The following CNTNAP2 variants were observed in gnomAD, a reference collection of about 807,000 sequenced individuals.
CNTNAP2 encodes the protein contactin-associated protein-like 2.
CNTNAP2 carries 98 observed loss-of-function variants against 155.2 expected under a neutral mutation model. The ratio of observed to expected loss-of-function variants is 0.63; its 90% confidence interval spans 0.54 to 0.75. CNTNAP2 has a LOEUF of 0.75. CNTNAP2 is among the 30% of genes least tolerant of loss of function. CNTNAP2 has a pLI of 0.00. For synonymous variants in CNTNAP2, 651 were observed against 631.2 expected (o/e 1.03, Z -0.47); for missense variants, 1,727 against 1,688.1 (o/e 1.02, Z -0.40).
chr7:148,286,821 G>C (rs1797092410), intron 21 of CNTNAP2, among the ~76,000 whole-genome samples: 2 of 152,110 alleles, frequency 1.3e-5, no homozygotes, highest in South Asian at 2.1e-4. Flanking sequence ...CAGAAAAATG[G>C]AGCAAAAAGT....
intron 1 of CNTNAP2, among the ~76,000 whole-genome samples, chr7:146,184,419 A>G (rs1293123198): frequency 6.6e-6 from 1 of 152,220 alleles, no homozygotes; most frequent in Admixed American, 6.5e-5. Flanking sequence ...GTGTAATCCT[A>G]AACACTGAAG....
At chr7:148,028,888 A>G (rs1802418936) in intron 15 of CNTNAP2, among the ~76,000 whole-genome samples, 1 of 152,180 alleles carries the variant, frequency 6.6e-6, no homozygotes, top group Non-Finnish European at 1.5e-5. Flanking sequence ...CTATTCCTGG[A>G]ACACAAGTCT....
intron 1 of CNTNAP2, among the ~76,000 whole-genome samples, chr7:146,413,005 T>C (rs569796772): frequency 2.6e-5 from 4 of 152,194 alleles, no homozygotes; most frequent in Non-Finnish European, 5.9e-5. Context: ...GACCACAAAA[T>C]GTGGCTGATT....
intron 1 of CNTNAP2, among the ~76,000 whole-genome samples, chr7:146,598,079 G>C (rs1316103326): frequency 1.3e-5 from 2 of 152,058 alleles, no homozygotes; most frequent in Non-Finnish European, 2.9e-5. Context: ...TGCCTACTCT[G>C]TTTAATCATG....
rs531452706 is a variant in CNTNAP2, at chr7:146,407,202, A to T, written c.97+290229A>T. On this transcript the variant is annotated intron_variant, in intron 1 of 23. Coordinates refer to ENST00000361727, the MANE Select transcript of CNTNAP2 (RefSeq NM_014141.6). The stretch of plus-strand genomic sequence containing the variant: ...TCAGGACAACATGAATAACTTTATT[A>T]TTTCCAGGAATACCAAAATAATTGG... Among the ~76,000 whole-genome samples the T allele has an allele frequency of 8.7e-4, 133 of 152,290 alleles. 1 individual carries two copies. Among genetic ancestry groups the T allele is most frequent in the South Asian group, 1.7e-3 (8 of 4,824 alleles).
At chr7:147,194,942 A>G (rs545319044) in intron 8 of CNTNAP2, among the ~76,000 whole-genome samples, 12 of 152,174 alleles carry the variant, frequency 7.9e-5, no homozygotes, top group Middle Eastern at 3.4e-3. Flanking sequence ...CCATTTGTCA[A>G]TTTTGGCTTT....
Position 148,217,475 on chromosome 7 carries a change from C to T in CNTNAP2, c.3198C>T (p.Tyr1066=), listed in dbSNP as rs772842467. 1.3e-5 allele frequency: 21 copies of T among 1,614,098 alleles called. No individual in the cohort carries two copies. The highest frequency in any genetic ancestry group is 5.3e-5 in the African/African-American group (4 of 74,944). Residue 1066 remains tyrosine, a synonymous_variant, in exon 19 of 24, where the codon TAC becomes TAT. Transcript: ENST00000361727. ...STTKAPCILL[Y]ISSFTTDFLA... The stretch of plus-strand genomic sequence containing the variant: ...CCAAGGCGCCCTGCATTCTCCTCTA[C>T]ATCAGCTCCTTCACCACAGACTTCT...
chr7:146,756,536 T>A (rs1801998715), intron 1 of CNTNAP2, among the ~76,000 whole-genome samples: 1 of 152,046 alleles, frequency 6.6e-6, no homozygotes, highest in African/African-American at 2.4e-5. Context: ...AAAAGATGTT[T>A]ATTATCTGCG....
chr7:147,488,234 T>C (rs926186044), intron 11 of CNTNAP2, among the ~76,000 whole-genome samples: 1 of 152,182 alleles, frequency 6.6e-6, no homozygotes, highest in African/African-American at 2.4e-5. Context: ...TTTTACATTT[T>C]TGCGAAATCA....
At chr7:146,581,004 A>G (rs912419961) in intron 1 of CNTNAP2, among the ~76,000 whole-genome samples, 4 of 152,166 alleles carry the variant, frequency 2.6e-5, no homozygotes, top group African/African-American at 9.6e-5. Context: ...CACTTGTCAA[A>G]TATTACATAA....
intron 10 of CNTNAP2, among the ~76,000 whole-genome samples, chr7:147,460,634 G>A (rs1180067962): frequency 1.4e-5 from 2 of 142,352 alleles, no homozygotes; most frequent in African/African-American, 5.6e-5. Flanking sequence ...CATCAGAGGA[G>A]AGTTTATGTT....
intron 14 of CNTNAP2, among the ~76,000 whole-genome samples, chr7:147,945,430 A>G (rs1450030215): frequency 1.3e-5 from 2 of 152,164 alleles, no homozygotes; most frequent in Non-Finnish European, 2.9e-5. Flanking sequence ...GTATATTCGT[A>G]TCTGAATTAT....
intron 10 of CNTNAP2, among the ~76,000 whole-genome samples, chr7:147,436,946 G>A (rs1318103606): frequency 6.6e-6 from 1 of 152,068 alleles, no homozygotes; most frequent in East Asian, 1.9e-4. Flanking sequence ...CATCTCAATC[G>A]GGCAAAGAAA....
At chr7:146,345,231 A>G (rs1249281724) in intron 1 of CNTNAP2, among the ~76,000 whole-genome samples, 1 of 152,168 alleles carries the variant, frequency 6.6e-6, no homozygotes, top group African/African-American at 2.4e-5. Context: ...TTTTATGTGT[A>G]TGCATAATTT....
chr7:146,464,187 G>GTTTTTTTTTTTTT (rs369508603), intron 1 of CNTNAP2, among the ~76,000 whole-genome samples: 18 of 91,540 alleles, frequency 2.0e-4, no homozygotes, highest in African/African-American at 5.9e-4. Context: ...CTTTGAAACT[G>GTTTTTTTTTTTTT]TTTTTTTTTT....
chr7:148,176,173 C>T (rs1794930480), intron 18 of CNTNAP2, among the ~76,000 whole-genome samples: 1 of 151,360 alleles, frequency 6.6e-6, no homozygotes, highest in African/African-American at 2.4e-5. Flanking sequence ...CTTCCTCTAA[C>T]CTCTTATCCA....
chr7:147,357,666 T>C (rs1272982060), intron 9 of CNTNAP2, among the ~76,000 whole-genome samples: 2 of 152,150 alleles, frequency 1.3e-5, no homozygotes, highest in Admixed American at 1.3e-4. Context: ...GACACGAGTC[T>C]TGTTTTATAG....
chr7:146,363,096 T>C (rs1378213906), intron 1 of CNTNAP2, among the ~76,000 whole-genome samples: 1 of 151,898 alleles, frequency 6.6e-6, no homozygotes, highest in Non-Finnish European at 1.5e-5. Flanking sequence ...TACCAGAGAG[T>C]AGCAATGGTA....
intron 1 of CNTNAP2, among the ~76,000 whole-genome samples, chr7:146,710,353 C>G (rs1371377855): frequency 1.3e-5 from 2 of 152,140 alleles, no homozygotes; most frequent in Non-Finnish European, 1.5e-5. Flanking sequence ...GAGACACACA[C>G]AGAAAAGTAT....
Sources: gnomAD v4.1 joint callset for allele counts (sites outside exome capture counted in the v4.1 genomes callset) on GRCh38, gnomAD v4.1.1 for gene constraint, MANE v1.5 for transcripts, NCBI Gene and HGNC (gene_info 2026-07-23, HGNC 2026-07-21) for gene names.